The following ANKRD28 variants were observed in gnomAD, a reference collection of about 807,000 sequenced individuals.
ANKRD28 encodes ankyrin repeat domain 28.
A neutral mutation model predicts 126.5 loss-of-function variants in ANKRD28; 44 were observed. That is an observed-to-expected ratio of 0.35 (90% CI 0.27 to 0.45). The LOEUF is 0.45. Among genes scored for constraint, ANKRD28 ranks in the 20% least tolerant of loss-of-function variants. ANKRD28 has a pLI of 1.00. For missense variants in ANKRD28, 1,110 were observed against 1,316.6 expected (o/e 0.84, Z 2.43); for synonymous variants, 442 against 468.5 (o/e 0.94, Z 0.73).
chr3:15,755,143 A>G (rs1168830955), intron 3 of ANKRD28, among the ~76,000 whole-genome samples: 1 of 152,172 alleles, frequency 6.6e-6, no homozygotes, highest in Non-Finnish European at 1.5e-5. Context: ...AAGAAAAAAA[A>G]TAATAAAAAA....
In ANKRD28 at chr3:15,797,128, A is replaced by G. The variant is rs1020601367; in HGVS notation, c.-607T>C. 2.0e-6 allele frequency: 2 copies of G among 983,606 alleles called. No homozygotes were observed. Among genetic ancestry groups the G allele is most frequent in the Non-Finnish European group, 2.4e-6 (2 of 829,466 alleles). 60.9% of individuals were successfully genotyped at this position (983,606 alleles called of 1,614,324 possible). On this transcript the variant is annotated 5_prime_UTR_variant, in exon 1 of 28. Coordinates refer to ENST00000683139, the MANE Select transcript of ANKRD28 (RefSeq NM_001349278.2). Reference sequence around the variant, plus strand: ...GATACTATTCACAGAAAAAAGATCTAGAGCTCAGCACAAATCCTGAAAATG... The same window carrying G: ...GATACTATTCACAGAAAAAAGATCTGGAGCTCAGCACAAATCCTGAAAATG...
At chr3:15,795,750 T>C (rs964316058) in intron 1 of ANKRD28, among the ~76,000 whole-genome samples, 24 of 152,142 alleles carry the variant, frequency 1.6e-4, no homozygotes, top group Non-Finnish European at 3.4e-4. Flanking sequence ...GCATTACATG[T>C]ATAAAGATAC....
rs566033455 is a variant in ANKRD28 at position 15,714,117 on chromosome 3, C to T, written c.1075+461G>A. Among the ~76,000 whole-genome samples, 6 of 152,150 alleles carry T rather than the reference C, an allele frequency of 3.9e-5. No individual in the cohort carries two copies. The South Asian group carries it at 1.2e-3, about 32-fold the overall frequency. On this transcript the variant is annotated intron_variant, in intron 9 of 27. Transcript: ENST00000683139. ...GAAAACACTGATTTAAAGTAATACA[C>T]CTAAAAGTTCTTTTGATTTAAAAGT...
At chr3:15,776,458 C>G (rs556291651) in intron 2 of ANKRD28, among the ~76,000 whole-genome samples, 4 of 152,114 alleles carry the variant, frequency 2.6e-5, no homozygotes, top group Non-Finnish European at 5.9e-5. Context: ...TAGCATTGCA[C>G]AAAAGAACCC....
intron 1 of ANKRD28, among the ~76,000 whole-genome samples, chr3:15,823,473 A>T (rs1270058260): frequency 1.3e-5 from 2 of 152,232 alleles, no homozygotes; most frequent in African/African-American, 4.8e-5. Context: ...TCTACCAAAA[A>T]TTTAAAGAAT....
chr3:15,737,305 CGT>C (rs932838618), intron 4 of ANKRD28, 72 bp from the exon 5 acceptor site: 31 of 1,268,808 alleles, frequency 2.4e-5, no homozygotes, highest in East Asian at 5.1e-5. Context: ...ATATAGTGTG[CGT>C]GTGTGTGTAT....
At chr3:15,722,637 C>T (rs569031631) in intron 7 of ANKRD28, among the ~76,000 whole-genome samples, 1 of 152,098 alleles carries the variant, frequency 6.6e-6, no homozygotes, top group Non-Finnish European at 1.5e-5. Context: ...AACTCTGGAC[C>T]CTAATCTTGT....
Position 15,796,914 on chromosome 3 carries a change from C to G in ANKRD28, c.-393G>C. Reference sequence around the variant, plus strand: ...ATCATTGTTTTTGGTGACACAACACCACACAATATAGAATGAAATGAGAAA... The same window carrying G: ...ATCATTGTTTTTGGTGACACAACACGACACAATATAGAATGAAATGAGAAA... On this transcript the variant is annotated 5_prime_UTR_variant, in exon 1 of 28. Transcript: ENST00000683139. 1 of 986,602 alleles carries G rather than the reference C, an allele frequency of 1.0e-6. No homozygotes were observed. The highest frequency in any genetic ancestry group is 1.2e-6 in the Non-Finnish European group (1 of 830,840). 61.1% of individuals were successfully genotyped at this position (986,602 alleles called of 1,614,324 possible).
At chr3:15,822,682 TA>T (rs370806538) in intron 1 of ANKRD28, among the ~76,000 whole-genome samples, 42 of 144,870 alleles carry the variant, frequency 2.9e-4, no homozygotes, top group African/African-American at 7.6e-4. Context: ...CTCACAGAAC[TA>T]AAAAAAAAAC....
chr3:15,846,534 G>C lies in ANKRD28; in HGVS notation c.27+12843C>G, dbSNP rs2061535307. Among the ~76,000 whole-genome samples, 1 of 152,082 alleles carries C rather than the reference G, an allele frequency of 6.6e-6. No homozygotes were observed. On this transcript the variant is annotated intron_variant, in intron 1 of 27. Coordinates refer to the ANKRD28 transcript ENST00000399451. This position sits in a 1 kb window ranked among gnomAD's most constrained non-coding sequence, Gnocchi z 5.4. ...GAAAGCTTACCTACCATATAAACGAGTTAAAAAATACAAACAGTATAAACC... is the reference window on the plus strand; with the variant it reads ...GAAAGCTTACCTACCATATAAACGACTTAAAAAATACAAACAGTATAAACC...
At chr3:15,679,652 TAA>T (rs1395715573) in intron 21 of ANKRD28, 89 bp from the exon 22 acceptor site, 1 of 990,700 alleles carries the variant, frequency 1.0e-6, no homozygotes, top group African/African-American at 1.6e-5. Context: ...AGGAAAAATG[TAA>T]AAGTCTCTCC....
intron 1 of ANKRD28, among the ~76,000 whole-genome samples, chr3:15,813,251 A>G (rs984630554): frequency 3.9e-5 from 6 of 152,084 alleles, no homozygotes; most frequent in African/African-American, 1.4e-4. Flanking sequence ...CTGTAGTCCC[A>G]GCTACTCGGG....
At position 15,741,060 on chromosome 3, in the gene ANKRD28, G is replaced by A. The variant is rs6775188; in HGVS notation, c.352-3827C>T. ...CTAAATATACAAAAATTAGCCAGGTGGGGGGGCGGGCGCCTGTAGTCCCAG... is the reference window on the plus strand; with the variant it reads ...CTAAATATACAAAAATTAGCCAGGTAGGGGGGCGGGCGCCTGTAGTCCCAG... On this transcript the variant is annotated intron_variant, in intron 4 of 27. Transcript: ENST00000683139. 4.7e-3 allele frequency among the ~76,000 whole-genome samples: 712 copies of A among 152,162 alleles called. 8 individuals carry two copies. The highest frequency in any genetic ancestry group is 0.016 in the African/African-American group (656 of 41,502).
intron 4 of ANKRD28, among the ~76,000 whole-genome samples, chr3:15,740,049 A>C (rs1244367428): frequency 6.6e-6 from 1 of 152,260 alleles, no homozygotes; most frequent in Admixed American, 6.5e-5. Flanking sequence ...GTATATCTGT[A>C]CTATTACTCA....
At chr3:15,859,141 T>C (rs900467192) in intron 1 of ANKRD28, among the ~76,000 whole-genome samples, 7 of 152,176 alleles carry the variant, frequency 4.6e-5, no homozygotes, top group African/African-American at 1.4e-4. Context: ...CCGCCCCTCT[T>C]GCTGCAGCGG....
At chr3:15,707,714 C>G (rs2071646169) in intron 14 of ANKRD28, among the ~76,000 whole-genome samples, 1 of 152,166 alleles carries the variant, frequency 6.6e-6, no homozygotes, top group Non-Finnish European at 1.5e-5. Flanking sequence ...TCCACCAGAT[C>G]AGCTAGTAAG....
chr3:15,851,070 C>T (rs746715198), intron 1 of ANKRD28, among the ~76,000 whole-genome samples: 24 of 152,202 alleles, frequency 1.6e-4, no homozygotes, highest in Non-Finnish European at 7.3e-5. Context: ...AAATGTGACA[C>T]ATTTGCTCAC....
chr3:15,836,222 A>C (rs1169985688), intron 1 of ANKRD28, among the ~76,000 whole-genome samples: 2 of 152,156 alleles, frequency 1.3e-5, no homozygotes, highest in African/African-American at 4.8e-5. Context: ...TTAAAACATT[A>C]CTGTTGGGTT....
chr3:15,811,909 T>C (rs1434956553), intron 1 of ANKRD28, among the ~76,000 whole-genome samples: 3 of 151,770 alleles, frequency 2.0e-5, no homozygotes, highest in South Asian at 4.2e-4. Context: ...ATCCCAGCAC[T>C]TTGGGAGGTC....
Sources: gnomAD v4.1 joint callset for allele counts (sites outside exome capture counted in the v4.1 genomes callset) on GRCh38, gnomAD v4.1.1 for gene constraint, Gnocchi (gnomAD v3.1) non-coding constraint, MANE v1.5 for transcripts, NCBI Gene and HGNC (gene_info 2026-07-23, HGNC 2026-07-21) for gene names.